Variants in PTK2 observed in about 807,000 individuals in gnomAD.
The protein encoded by PTK2 is protein tyrosine kinase 2, also known as focal adhesion kinase 1.
Under a neutral mutation model 150.1 loss-of-function variants are expected in PTK2, and 45 were observed. That is an observed-to-expected ratio of 0.30 (90% confidence interval 0.24 to 0.38). The LOEUF (loss-of-function observed/expected upper bound fraction) is 0.38, where lower values mean the gene tolerates loss of function less well. Ranked by LOEUF, PTK2 falls within the 10% of genes least tolerant of loss-of-function variation. The pLI is 1.00. For missense variants in PTK2, 919 were observed against 1,307.3 expected, an observed-to-expected ratio of 0.70 and a Z score of 4.58; for synonymous variants, 432 against 449.2, an observed-to-expected ratio of 0.96 and a Z score of 0.48.
At chr8:140,902,158 T>TG (rs1309498531) in intron 2 of PTK2, among the ~76,000 whole-genome samples, 1 of 151,946 alleles carries the variant, frequency 6.6e-6, no homozygotes, top group Non-Finnish European at 1.5e-5. Flanking sequence ...CTCAGCCTCC[T>TG]GGGTAGCTGG....
At chr8:140,720,669 AG>A (rs1162080521) in intron 22 of PTK2, among the ~76,000 whole-genome samples, 2 of 152,254 alleles carry the variant, frequency 1.3e-5, no homozygotes, top group Non-Finnish European at 2.9e-5. Context: ...AAAAAATAGA[AG>A]GAACTATTAG....
At chr8:140,877,025 CTTTTTTTTTTTTT>C (rs60000363) in intron 4 of PTK2, among the ~76,000 whole-genome samples, 21 of 71,880 alleles carry the variant, frequency 2.9e-4, no homozygotes, top group African/African-American at 1.1e-3. Context: ...TTCACTAATC[CTTTTTTTTTTTTT>C]TTTTTTTTTT....
intron 21 of PTK2, among the ~76,000 whole-genome samples, chr8:140,737,323 G>A (rs1300640170): frequency 6.6e-6 from 1 of 152,044 alleles, no homozygotes; most frequent in Non-Finnish European, 1.5e-5. Flanking sequence ...GGCTGGTCTT[G>A]AACTCCTGGA....
chr8:140,957,512 A>C (rs1236408802), intron 1 of PTK2, among the ~76,000 whole-genome samples: 2 of 152,248 alleles, frequency 1.3e-5, no homozygotes, highest in Non-Finnish European at 2.9e-5. Context: ...CTTAGTGTAC[A>C]GCCTAAGTGT....
chr8:140,925,749 C>T, exon 2 of PTK2: 1 of 694,374 alleles, frequency 1.4e-6, no homozygotes. Flanking sequence ...CCCAGTTCTG[C>T]CTGTGAGACA....
At chr8:140,828,167 A>AC (rs2100113053) in intron 8 of PTK2, among the ~76,000 whole-genome samples, 1 of 150,238 alleles carries the variant, frequency 6.7e-6, no homozygotes, top group South Asian at 2.1e-4. Flanking sequence ...CTCTGTCTCA[A>AC]CAAAAAAAAA....
intron 2 of PTK2, among the ~76,000 whole-genome samples, chr8:140,902,442 T>C (rs559816329): frequency 1.1e-4 from 16 of 152,330 alleles, no homozygotes; most frequent in South Asian, 6.2e-4. Context: ...TGTGTCTTTA[T>C]AGAATGATTT....
intron 14 of PTK2, among the ~76,000 whole-genome samples, chr8:140,779,952 G>A (rs1484207534): frequency 3.3e-5 from 5 of 152,040 alleles, no homozygotes; most frequent in Admixed American, 3.3e-4. Context: ...GTGGTCATGG[G>A]GGAACCTCCT....
chr8:140,869,488 T>C (rs1383546800), intron 4 of PTK2, among the ~76,000 whole-genome samples: 1 of 152,164 alleles, frequency 6.6e-6, no homozygotes, highest in African/African-American at 2.4e-5. Context: ...CAGCACAGCT[T>C]TCCCTTAACA....
At chr8:140,903,981 CCTTT>C (rs200092059) in intron 2 of PTK2, among the ~76,000 whole-genome samples, 3,190 of 151,978 alleles carry the variant, frequency 0.021, 47 homozygotes, top group Non-Finnish European at 0.03. Context: ...ATTTGAATAT[CCTTT>C]CTTTCTTTCT....
At chr8:140,933,691 T>C (rs2100172694) in intron 1 of PTK2, among the ~76,000 whole-genome samples, 1 of 152,148 alleles carries the variant, frequency 6.6e-6, no homozygotes. Flanking sequence ...ATGTCCAGAA[T>C]AGGCAAATCT....
chr8:140,816,600 A>C (rs1020942658), intron 10 of PTK2, among the ~76,000 whole-genome samples: 1 of 152,232 alleles, frequency 6.6e-6, no homozygotes, highest in African/African-American at 2.4e-5. Context: ...GGGACTTATT[A>C]ATTTAAAAGG....
chr8:140,749,655 G>T (rs2100061561), intron 17 of PTK2, among the ~76,000 whole-genome samples: 1 of 152,206 alleles, frequency 6.6e-6, no homozygotes, highest in South Asian at 2.1e-4. Flanking sequence ...TGGGACAGGG[G>T]CTGCATAGTC....
chr8:140,662,213 C>T (rs1056578038), intron 31 of PTK2, among the ~76,000 whole-genome samples: 2 of 151,878 alleles, frequency 1.3e-5, no homozygotes, highest in Non-Finnish European at 2.9e-5. Context: ...AGGAAGATCA[C>T]TTGAGCTCAG....
chr8:140,855,145 C>T (rs190445465), intron 5 of PTK2, among the ~76,000 whole-genome samples: 1 of 152,268 alleles, frequency 6.6e-6, no homozygotes, highest in East Asian at 1.9e-4. Flanking sequence ...GCCACTGCAT[C>T]TGGCCCCATT....
At chr8:140,744,589 G>T in intron 19 of PTK2, 63 bp downstream of exon 22, 1 of 1,078,722 alleles carries the variant, frequency 9.3e-7, no homozygotes, top group Non-Finnish European at 1.4e-6. Flanking sequence ...GTCCAAATGG[G>T]TCCCTGTTTC....
chr8:140,668,722 A>G (rs1029915285), intron 29 of PTK2: 4 of 239,736 alleles, frequency 1.7e-5, no homozygotes, highest in Non-Finnish European at 3.2e-5. Context: ...ATGTCCCCTC[A>G]CCCCAAAATC....
intron 1 of PTK2, among the ~76,000 whole-genome samples, chr8:140,981,153 ACT>A (rs1490076140): frequency 6.6e-6 from 1 of 151,968 alleles, no homozygotes; most frequent in East Asian, 1.9e-4. Flanking sequence ...TTCAATGACC[ACT>A]GTTTTAAATG....
intron 23 of PTK2, among the ~76,000 whole-genome samples, chr8:140,712,012 C>A (rs911817263): frequency 5.9e-5 from 9 of 152,232 alleles, no homozygotes; most frequent in Admixed American, 3.9e-4. Context: ...GAACAATGTT[C>A]TGAGGCAGTT....
Sources: allele counts gnomAD v4.1 joint callset (sites outside exome capture counted in the v4.1 genomes callset), GRCh38; gene constraint gnomAD v4.1.1; transcripts MANE v1.5; gene names NCBI Gene and HGNC (gene_info 2026-07-23, HGNC 2026-07-21).